The following EIF4G3 variants were observed in gnomAD, a reference collection of about 807,000 sequenced individuals.
The protein encoded by EIF4G3 is eIF-4-gamma 3.
Under a neutral mutation model 186.4 loss-of-function variants are expected in EIF4G3, and 34 were observed. The ratio of observed to expected loss-of-function variants is 0.18; its 90% CI spans 0.14 to 0.24. The LOEUF (loss-of-function observed/expected upper bound fraction) is 0.24. Ranked by LOEUF, EIF4G3 falls within the 10% of genes least tolerant of loss-of-function variation. The pLI is 1.00. For synonymous variants in EIF4G3, 673 were observed against 679.5 expected (o/e 0.99, Z 0.15); for missense variants, 1,536 against 1,948.5 (o/e 0.79, Z 3.99).
At chr1:20,947,015 A>G (rs982779884) in intron 13 of EIF4G3, among the ~76,000 whole-genome samples, 1 of 152,178 alleles carries the variant, frequency 6.6e-6, no homozygotes, top group African/African-American at 2.4e-5. Flanking sequence ...CAGTTTTTAT[A>G]TGCTAATTTC....
rs2096679237 is a variant in EIF4G3 at position 21,109,494 on chromosome 1, A to C, written c.-271-20281T>G. Among the ~76,000 whole-genome samples, 5 of 152,342 alleles carry C rather than the reference A, an allele frequency of 3.3e-5. No individual in the cohort carries two copies. The South Asian group carries it at 1.0e-3, about 32-fold the overall frequency. On this transcript the variant is annotated intron_variant, in intron 2 of 36. Coordinates refer to ENST00000602326, the MANE Select transcript of EIF4G3 (RefSeq NM_001391906.1). ...ACTTTGTCTCTGTAAAATTAAAATA[A>C]GTATAAAAGAAACAACAACAAGAAG... is the stretch of plus-strand genomic sequence containing the variant.
At chr1:20,991,747 G>T (rs1254562732) in intron 7 of EIF4G3, among the ~76,000 whole-genome samples, 1 of 152,136 alleles carries the variant, frequency 6.6e-6, no homozygotes, top group Non-Finnish European at 1.5e-5. Flanking sequence ...TCAGGAACAG[G>T]AGGTGTTCTG....
intron 24 of EIF4G3, 82 bp from the exon 25 acceptor site, chr1:20,857,579 A>G (rs1310223938): frequency 1.9e-5 from 22 of 1,128,712 alleles, no homozygotes; most frequent in South Asian, 2.5e-5. Flanking sequence ...TTTCATCAAA[A>G]CCAAGGAGAA....
intron 4 of EIF4G3, among the ~76,000 whole-genome samples, chr1:21,045,795 TAAA>T (rs1187693971): frequency 3.4e-5 from 5 of 145,846 alleles, no homozygotes; most frequent in Non-Finnish European, 6.1e-5. Flanking sequence ...AAACTTCTCT[TAAA>T]AAAAAAAACA....
intron 18 of EIF4G3, chr1:20,892,772 A>AT: frequency 1.7e-5 from 22 of 1,320,394 alleles, no homozygotes; most frequent in Non-Finnish European, 2.2e-5. Flanking sequence ...GCTGAATGTC[A>AT]TCAGAGATCT....
chr1:20,946,190 C>G (rs1300817252), intron 13 of EIF4G3, among the ~76,000 whole-genome samples: 1 of 152,028 alleles, frequency 6.6e-6, no homozygotes, highest in Non-Finnish European at 1.5e-5. Context: ...CAGCAGAGTC[C>G]CAAATGAACA....
At chr1:21,052,814 C>T (rs1215382311) in intron 3 of EIF4G3, among the ~76,000 whole-genome samples, 3 of 152,226 alleles carry the variant, frequency 2.0e-5, no homozygotes, top group Admixed American at 6.5e-5. Flanking sequence ...AGCTCCTAAC[C>T]GCGAGTGATC....
At chr1:20,990,761 CATAACATATAT>C (rs1186907077) in intron 7 of EIF4G3, among the ~76,000 whole-genome samples, 5 of 152,194 alleles carry the variant, frequency 3.3e-5, no homozygotes, top group African/African-American at 1.2e-4. Context: ...ACAGTGGAAA[CATAACATATAT>C]ACACTGGGAA....
At chr1:20,961,921 T>C (rs2096578977) in intron 12 of EIF4G3, among the ~76,000 whole-genome samples, 1 of 152,210 alleles carries the variant, frequency 6.6e-6, no homozygotes, top group African/African-American at 2.4e-5. Context: ...ACCATACCTG[T>C]ATGCTTTAAG....
At chr1:21,009,415 T>C (rs903310668) in intron 4 of EIF4G3, among the ~76,000 whole-genome samples, 5 of 151,982 alleles carry the variant, frequency 3.3e-5, no homozygotes, top group Admixed American at 1.3e-4. Context: ...TCCTGGCTTC[T>C]AGCAATCCTC....
At chr1:21,097,549 C>T (rs1374479468) in intron 2 of EIF4G3, among the ~76,000 whole-genome samples, 1 of 152,090 alleles carries the variant, frequency 6.6e-6, no homozygotes, top group Non-Finnish European at 1.5e-5. Context: ...GGGCATTAGA[C>T]AAAACATTCC....
At chr1:21,168,267 T>C (rs1250474769) in intron 2 of EIF4G3, among the ~76,000 whole-genome samples, 1 of 151,904 alleles carries the variant, frequency 6.6e-6, no homozygotes, top group Non-Finnish European at 1.5e-5. Flanking sequence ...TAGCCGGTCG[T>C]GGTGGAGGGC....
At chr1:21,106,841 GAT>G (rs372101961) in intron 2 of EIF4G3, among the ~76,000 whole-genome samples, 65 of 152,290 alleles carry the variant, frequency 4.3e-4, no homozygotes, top group Middle Eastern at 3.4e-3. Context: ...AAAACCAACA[GAT>G]GTTACGGTAG....
chr1:20,920,987 T>C (rs1442596046), intron 14 of EIF4G3, among the ~76,000 whole-genome samples: 1 of 152,188 alleles, frequency 6.6e-6, no homozygotes, highest in Non-Finnish European at 1.5e-5. Flanking sequence ...AACTGACTCA[T>C]TTGAACAGCA....
chr1:20,996,809 T>C (rs924021066), intron 7 of EIF4G3, among the ~76,000 whole-genome samples: 2 of 152,148 alleles, frequency 1.3e-5, no homozygotes, highest in Non-Finnish European at 2.9e-5. Context: ...GGTTACATAG[T>C]AAAGCTTGTA....
At chr1:20,973,623 A>G (rs1380595225) in intron 10 of EIF4G3, among the ~76,000 whole-genome samples, 2 of 152,196 alleles carry the variant, frequency 1.3e-5, no homozygotes, top group Non-Finnish European at 2.9e-5. Flanking sequence ...GGGGTGGAAA[A>G]AAGGCTCAGA....
intron 2 of EIF4G3, chr1:21,111,653 CAT>C (rs1445978578): frequency 1.2e-5 from 2 of 165,732 alleles, no homozygotes; most frequent in African/African-American, 4.8e-5. Context: ...TAGATATATA[CAT>C]ATCATGACAT....
intron 2 of EIF4G3, chr1:21,168,192 T>A (rs1202216052): frequency 9.1e-6 from 3 of 330,498 alleles, no homozygotes; most frequent in Non-Finnish European, 1.9e-5. Flanking sequence ...TCACTTGAGG[T>A]CAGGAGTTTG....
At chr1:20,807,570 A>G in intron 36 of EIF4G3, 70 bp from the exon 37 acceptor site, 1 of 1,303,950 alleles carries the variant, frequency 7.7e-7, no homozygotes, top group Non-Finnish European at 1.0e-6. Context: ...TATATTTCAA[A>G]ATAATGAATG....
Sources: gnomAD v4.1 joint callset for allele counts (sites outside exome capture counted in the v4.1 genomes callset) on GRCh38, gnomAD v4.1.1 for gene constraint, MANE v1.5 for transcripts, NCBI Gene and HGNC (gene_info 2026-07-23, HGNC 2026-07-21) for gene names.